CCDC88C: variants seen among roughly 807,000 people sequenced by gnomAD.
CCDC88C encodes the protein protein Daple.
CCDC88C carries 131 observed loss-of-function variants against 198.8 expected under a neutral mutation model. The ratio of observed to expected loss-of-function variants is 0.66; its 90% confidence interval spans 0.57 to 0.76. CCDC88C has a LOEUF of 0.76. Ranked by LOEUF, CCDC88C falls within the 30% of genes least tolerant of loss-of-function variation. The pLI, the probability that CCDC88C is intolerant of heterozygous loss-of-function variation, is 0.00. For missense variants in CCDC88C, 2,553 were observed against 2,631.6 expected (o/e 0.97, Z 0.65); for synonymous variants, 1,166 against 1,114.7 (o/e 1.05, Z -0.92).
chr14:91,297,381 T>A lies in CCDC88C; in HGVS notation c.3890A>T (p.Gln1297Leu), dbSNP rs1290225236. Reference protein sequence around the residue: ...NNAQLELNRWQARFDELKEQH... With the variant: ...NNAQLELNRWLARFDELKEQH... ...CTCCTTCAGCTCGTCGAAGCGGGCC[T>A]GCCAGCGGTTGAGCTCCAGCTGCGC... The change falls in exon 22 of 30, where the codon CAG becomes CTG. Residue 1297 changes from glutamine to leucine, a missense_variant. Coordinates refer to ENST00000389857, the MANE Select transcript of CCDC88C (RefSeq NM_001080414.4). The A allele has an allele frequency of 1.2e-6, 2 of 1,613,320 alleles. No homozygotes were observed. The highest frequency in any genetic ancestry group is 1.3e-5 in the African/African-American group (1 of 74,930).
At chr14:91,296,292 C>A (rs1431908437) in intron 22 of CCDC88C, among the ~76,000 whole-genome samples, 1 of 152,252 alleles carries the variant, frequency 6.6e-6, no homozygotes, top group African/African-American at 2.4e-5. Context: ...CCAAAAAGTA[C>A]CCCTGTCCAT....
chr14:91,406,465 G>C (rs971344816), intron 3 of CCDC88C, among the ~76,000 whole-genome samples: 6 of 152,182 alleles, frequency 3.9e-5, no homozygotes, highest in African/African-American at 1.4e-4. Context: ...GGCCAGCCCT[G>C]CCCATTCCCT....
chr14:91,359,601 G>C (rs1405359828), intron 4 of CCDC88C, 41 bp downstream of exon 4: 1 of 1,540,628 alleles, frequency 6.5e-7, no homozygotes, highest in East Asian at 2.3e-5. Flanking sequence ...CCATGCCTCT[G>C]GCTGGGCACC....
chr14:91,285,507 T>C (rs1041779089), intron 25 of CCDC88C: 1 of 556,832 alleles, frequency 1.8e-6, no homozygotes, highest in African/African-American at 2.0e-5. Flanking sequence ...ATCTTCTATT[T>C]TGAAATCAGA....
rs1893190479 is a variant in CCDC88C, at chr14:91,339,118, G to C, written c.809+160C>G. On this transcript the variant is annotated intron_variant, in intron 8 of 29. Transcript: ENST00000389857. This position sits in a 1 kb window ranked among gnomAD's most constrained non-coding sequence, Gnocchi z 5.8. The stretch of plus-strand genomic sequence containing the variant: ...TGTGCAGGCCTCAGAAGGGGAGGCA[G>C]CTAGTCCGAGGTCAAAGAGTAAGCT... 1.2e-6 allele frequency: 1 copy of C among 814,076 alleles called. No individual in the cohort carries two copies. The highest frequency in any genetic ancestry group is 1.7e-5 in the African/African-American group (1 of 59,122). The allele number at this position is 814,076 out of a possible 1,614,324, so 50.4% of individuals were successfully genotyped here.
chr14:91,322,448 GC>G (rs1298532681), intron 12 of CCDC88C, among the ~76,000 whole-genome samples: 2 of 151,982 alleles, frequency 1.3e-5, no homozygotes, highest in Non-Finnish European at 1.5e-5. Context: ...CCTGGCCCCA[GC>G]CCAGCACTGA....
At chr14:91,362,254 A>G (rs994121326) in intron 3 of CCDC88C, among the ~76,000 whole-genome samples, 2 of 151,956 alleles carry the variant, frequency 1.3e-5, no homozygotes, top group African/African-American at 4.8e-5. Context: ...AAAAGAAAAA[A>G]AAGACTACGT....
chr14:91,331,460 A>G (rs901458998), intron 10 of CCDC88C, among the ~76,000 whole-genome samples: 4 of 152,222 alleles, frequency 2.6e-5, no homozygotes, highest in Non-Finnish European at 4.4e-5. Context: ...ACCAGGCCAC[A>G]GCAGAGCTCC....
chr14:91,335,631 C>G (rs1382222298), intron 10 of CCDC88C, among the ~76,000 whole-genome samples: 1 of 152,216 alleles, frequency 6.6e-6, no homozygotes. Flanking sequence ...GCCTGCTTCC[C>G]TCCCCAGAGG....
At chr14:91,287,619 G>A (rs914328018) in intron 25 of CCDC88C, among the ~76,000 whole-genome samples, 1 of 148,486 alleles carries the variant, frequency 6.7e-6, no homozygotes, top group Non-Finnish European at 1.5e-5. Flanking sequence ...TTATAGGCAT[G>A]AGCCACTGCA....
intron 3 of CCDC88C, among the ~76,000 whole-genome samples, chr14:91,405,321 C>T (rs751417480): frequency 6.6e-6 from 1 of 152,130 alleles, no homozygotes; most frequent in South Asian, 2.1e-4. Context: ...AGCCAGAATG[C>T]GCGACCTTGA....
intron 4 of CCDC88C, among the ~76,000 whole-genome samples, chr14:91,351,933 C>T (rs1893822331): frequency 6.6e-6 from 1 of 152,200 alleles, no homozygotes; most frequent in African/African-American, 2.4e-5. Flanking sequence ...GCCTGCCACG[C>T]CTGCAGAAGC....
Position 91,416,826 on chromosome 14 carries a change from C to A in CCDC88C, c.73G>T (p.Gly25Cys). 6.2e-7 allele frequency: 1 copy of A among 1,612,558 alleles called. No individual in the cohort carries two copies. Among genetic ancestry groups the A allele is most frequent in the Non-Finnish European group, 8.5e-7 (1 of 1,179,120 alleles). Reference sequence around the variant, plus strand: ...TCCTGGCTGCCGCTTCCAAACGGGCCAAAAGTTTTCACCTGCGGGGAGGGG... The same window carrying A: ...TCCTGGCTGCCGCTTCCAAACGGGCAAAAAGTTTTCACCTGCGGGGAGGGG... Reference protein sequence around the residue: ...SPLVTWVKTFGPFGSGSQDNL... With the variant: ...SPLVTWVKTFCPFGSGSQDNL... Residue 25 changes from glycine (G) to cysteine (C), a missense_variant, in exon 2 of 30, where the codon GGC becomes TGC. Transcript: ENST00000389857.
chr14:91,297,213 C>T, intron 22 of CCDC88C, 92 bp downstream of exon 22: 1 of 1,287,086 alleles, frequency 7.8e-7, no homozygotes, highest in Non-Finnish European at 1.1e-6. Flanking sequence ...CACAAATGCC[C>T]ATGAGGACCC....
Position 91,338,958 on chromosome 14 carries a change from GA to G in CCDC88C, c.809+319del, listed in dbSNP as rs1893181389. On this transcript the variant is annotated intron_variant, in intron 8 of 29. Coordinates refer to ENST00000389857, the MANE Select transcript of CCDC88C (RefSeq NM_001080414.4). This position sits in a 1 kb window ranked among gnomAD's most constrained non-coding sequence, Gnocchi z 4.8. ...AGGGGCACCTCATCCCTCCAGCCAAGAAAACACATCAGGTGTGGTCGTCCCG... is the reference window on the plus strand; with the variant it reads ...AGGGGCACCTCATCCCTCCAGCCAAGAAACACATCAGGTGTGGTCGTCCCG... 4.0e-6 allele frequency: 2 copies of G among 495,356 alleles called. No homozygotes were observed. The highest frequency in any genetic ancestry group is 1.9e-5 in the African/African-American group (1 of 51,638). 30.7% of individuals were successfully genotyped at this position (495,356 alleles called of 1,614,324 possible). A position where few individuals can be genotyped will look rare whatever the true frequency, so the allele number is the denominator to read the frequency against.
intron 22 of CCDC88C, 124 bp from the exon 23 acceptor site, chr14:91,294,442 G>C: frequency 8.6e-7 from 1 of 1,159,912 alleles, no homozygotes; most frequent in Non-Finnish European, 1.2e-6. Flanking sequence ...ATCTACGCCA[G>C]TGGAAACTTG....
At chr14:91,415,075 G>C (rs1013777595) in intron 2 of CCDC88C, among the ~76,000 whole-genome samples, 1 of 152,192 alleles carries the variant, frequency 6.6e-6, no homozygotes, top group East Asian at 1.9e-4. Context: ...GAATGAAAAG[G>C]CTGGGGATAC....
intron 24 of CCDC88C, among the ~76,000 whole-genome samples, chr14:91,289,773 G>C (rs1473112585): frequency 6.6e-6 from 1 of 152,116 alleles, no homozygotes; most frequent in Non-Finnish European, 1.5e-5. Context: ...GCAGAGGAGA[G>C]CAGGCTGTTT....
chr14:91,281,285 A>T (rs1890186016), intron 27 of CCDC88C, 172 bp downstream of exon 27: 1 of 1,504,282 alleles, frequency 6.6e-7, no homozygotes, highest in East Asian at 2.6e-5. Context: ...GAGGTATGTA[A>T]GTAGAAGCTA....
Sources: allele counts gnomAD v4.1 joint callset (sites outside exome capture counted in the v4.1 genomes callset), GRCh38; gene constraint gnomAD v4.1.1; non-coding constraint Gnocchi (gnomAD v3.1); transcripts MANE v1.5; gene names NCBI Gene and HGNC (gene_info 2026-07-23, HGNC 2026-07-21).